The following CEP112 variants were observed in gnomAD, a reference collection of about 807,000 sequenced individuals.
The protein encoded by CEP112 is centrosomal protein of 112 kDa.
A neutral mutation model predicts 153.0 loss-of-function variants in CEP112; 127 were observed. The observed-to-expected ratio is 0.83, with a 90% confidence interval of 0.72 to 0.96. CEP112 has a LOEUF of 0.96. CEP112 is among the 40% of genes least tolerant of loss of function. The probability of loss-of-function intolerance (pLI) is 0.00; values close to 1 mark genes in which losing one functional copy is unlikely to be tolerated. For synonymous variants in CEP112, 358 were observed against 374.4 expected, an observed-to-expected ratio of 0.96 and a Z score of 0.51; for missense variants, 1,089 against 1,101.2, an observed-to-expected ratio of 0.99 and a Z score of 0.16.
chr17:65,971,375 T>C (rs1221666669), intron 17 of CEP112, among the ~76,000 whole-genome samples: 2 of 152,244 alleles, frequency 1.3e-5, no homozygotes, highest in Non-Finnish European at 2.9e-5. Context: ...ATCGCATGTA[T>C]GTACATTGCA....
chr17:66,019,657 G>A (rs1056450647), intron 16 of CEP112, among the ~76,000 whole-genome samples: 1 of 152,152 alleles, frequency 6.6e-6, no homozygotes, highest in Non-Finnish European at 1.5e-5. Context: ...ACAAATCTTA[G>A]TTACAGTGAA....
intron 21 of CEP112, among the ~76,000 whole-genome samples, chr17:65,810,562 T>C (rs1330104569): frequency 6.6e-6 from 1 of 152,098 alleles, no homozygotes; most frequent in African/African-American, 2.4e-5. Flanking sequence ...TTTAGATCTA[T>C]AAAAACAGCA....
chr17:65,872,167 C>A (rs2058687494), intron 20 of CEP112, among the ~76,000 whole-genome samples: 1 of 151,936 alleles, frequency 6.6e-6, no homozygotes, highest in African/African-American at 2.4e-5. Context: ...AGTTATTTAT[C>A]CCTTTTCAAC....
chr17:65,930,994 G>A (rs1295952802), intron 18 of CEP112, among the ~76,000 whole-genome samples: 1 of 152,002 alleles, frequency 6.6e-6, no homozygotes, highest in Non-Finnish European at 1.5e-5. Flanking sequence ...TATTCTTCTA[G>A]CACATTGTGT....
intron 19 of CEP112, among the ~76,000 whole-genome samples, chr17:65,910,756 A>C (rs960869701): frequency 1.3e-5 from 2 of 152,218 alleles, no homozygotes; most frequent in African/African-American, 4.8e-5. Context: ...AAATCCATGT[A>C]AACACAGACC....
At chr17:65,968,693 A>G (rs987336361) in intron 17 of CEP112, among the ~76,000 whole-genome samples, 1 of 152,200 alleles carries the variant, frequency 6.6e-6, no homozygotes, top group Admixed American at 6.5e-5. Context: ...AAAAGTTACT[A>G]CATTTTTTAG....
At chr17:66,028,287 C>G (rs1184833290) in intron 15 of CEP112, 26 bp downstream of exon 15, 4 of 1,360,708 alleles carry the variant, frequency 2.9e-6, no homozygotes, top group Non-Finnish European at 4.2e-6. Context: ...GACCATTGTT[C>G]TTCTGTGTAG....
chr17:66,188,931 A>G (rs1279425478), intron 1 of CEP112, among the ~76,000 whole-genome samples: 4 of 152,214 alleles, frequency 2.6e-5, no homozygotes, highest in African/African-American at 7.2e-5. Flanking sequence ...AAGACTATAT[A>G]CTGCCCACGT....
chr17:66,066,580 G>GAC (rs3056817), intron 10 of CEP112, among the ~76,000 whole-genome samples, 198 bp downstream of exon 10: 5 of 150,746 alleles, frequency 3.3e-5, no homozygotes, highest in Admixed American at 1.3e-4. Context: ...CACACACACA[G>GAC]ACACACACAC....
intron 21 of CEP112, among the ~76,000 whole-genome samples, chr17:65,832,156 A>G (rs1186041927): frequency 6.6e-6 from 1 of 152,210 alleles, no homozygotes; most frequent in Non-Finnish European, 1.5e-5. Flanking sequence ...AAACAAAGAT[A>G]CAACATACCA....
At chr17:65,742,108 C>T (rs2051173165) in intron 23 of CEP112, among the ~76,000 whole-genome samples, 1 of 151,572 alleles carries the variant, frequency 6.6e-6, no homozygotes, top group African/African-American at 2.4e-5. Context: ...GTTGTCTCAG[C>T]TTAAAGGGAA....
chr17:65,928,832 C>G (rs2061022013), intron 18 of CEP112, among the ~76,000 whole-genome samples: 1 of 152,088 alleles, frequency 6.6e-6, no homozygotes, highest in Non-Finnish European at 1.5e-5. Context: ...CCACTGCATT[C>G]CAGCCTGGGA....
chr17:65,997,106 G>A (rs2063819375), intron 17 of CEP112, among the ~76,000 whole-genome samples: 1 of 152,140 alleles, frequency 6.6e-6, no homozygotes. Flanking sequence ...AGCTACTCGG[G>A]AGACTGAGGC....
chr17:65,738,906 T>C (rs1446392390), intron 23 of CEP112, among the ~76,000 whole-genome samples: 2 of 152,172 alleles, frequency 1.3e-5, no homozygotes, highest in Admixed American at 6.5e-5. Context: ...CCTCCCACTA[T>C]TTCTCCTCTC....
At chr17:65,934,013 A>AC (rs1252583909) in intron 18 of CEP112, among the ~76,000 whole-genome samples, 1 of 152,124 alleles carries the variant, frequency 6.6e-6, no homozygotes, top group Admixed American at 6.5e-5. Context: ...ACATAGTAAG[A>AC]CCCCATCTCT....
chr17:65,905,800 C>A (rs2060052544), intron 19 of CEP112, among the ~76,000 whole-genome samples: 1 of 152,004 alleles, frequency 6.6e-6, no homozygotes, highest in Admixed American at 6.6e-5. Flanking sequence ...ACAAAATTAG[C>A]CAGGTGTAGT....
intron 21 of CEP112, among the ~76,000 whole-genome samples, chr17:65,773,161 A>C (rs1389271427): frequency 2.0e-5 from 3 of 152,226 alleles, no homozygotes; most frequent in Non-Finnish European, 4.4e-5. Flanking sequence ...GACAGGAGTG[A>C]CGTGCAAAGG....
intron 6 of CEP112, among the ~76,000 whole-genome samples, chr17:66,114,906 A>T (rs1260732468): frequency 1.4e-5 from 2 of 145,726 alleles, no homozygotes; most frequent in Non-Finnish European, 3.1e-5. Context: ...TTTTTTAATT[A>T]AAAAAAAAAA....
chr17:65,706,658 T>A (rs920190839), intron 23 of CEP112, among the ~76,000 whole-genome samples: 1 of 152,188 alleles, frequency 6.6e-6, no homozygotes. Flanking sequence ...TATATTCAGA[T>A]CTAGATTAAC....
Sources: gnomAD v4.1 joint callset for allele counts (sites outside exome capture counted in the v4.1 genomes callset) on GRCh38, gnomAD v4.1.1 for gene constraint, MANE v1.5 for transcripts, NCBI Gene and HGNC (gene_info 2026-07-23, HGNC 2026-07-21) for gene names.